CA6: variants seen among roughly 807,000 people sequenced by gnomAD.
CA6 encodes the protein carbonate dehydratase VI.
CA6 carries 28 observed loss-of-function variants against 35.9 expected under a neutral mutation model. The ratio of observed to expected loss-of-function variants is 0.78; its 90% CI spans 0.58 to 1.07. CA6 has a LOEUF of 1.07. Ranked by LOEUF, CA6 falls within the 50% of genes least tolerant of loss-of-function variation. CA6 has a pLI of 0.00. For missense variants in CA6, 377 were observed against 382.0 expected (o/e 0.99, Z 0.11); for synonymous variants, 148 against 152.6 (o/e 0.97, Z 0.22).
At chr1:8,967,921 G>T in intron 6 of CA6, 105 bp downstream of exon 6, 37 of 782,338 alleles carry the variant, frequency 4.7e-5, no homozygotes, top group Non-Finnish European at 7.0e-5. Context: ...GGGTCCTACA[G>T]TATTTTCTGT....
At chr1:8,956,910 G>C (rs1242189916) in intron 2 of CA6, among the ~76,000 whole-genome samples, 1 of 152,192 alleles carries the variant, frequency 6.6e-6, no homozygotes, top group African/African-American at 2.4e-5. Flanking sequence ...CACTTGCCCA[G>C]CCTGGTTTAC....
In CA6 at chr1:8,974,666, G is replaced by A. The variant is rs746335041; in HGVS notation, c.889G>A (p.Glu297Lys). ...SEFQFYLHKI[E>K]EILDYLRRAL... is the part of the protein sequence containing the mutation. ...ATTCCAGTTTTACCTACATAAGATT[G>A]AGGAAATTCTTGACTACTTAAGAAG... The change falls in exon 8 of 8, where the codon GAG becomes AAG. Residue 297 changes from glutamate to lysine, a missense_variant. Glu to Lys is a moderately conservative substitution (Grantham distance 56). Coordinates refer to ENST00000377443, the MANE Select transcript of CA6 (RefSeq NM_001215.4). 1.2e-6 allele frequency: 2 copies of A among 1,604,920 alleles called. No homozygotes were observed. The highest frequency in any genetic ancestry group is 1.7e-6 in the Non-Finnish European group (2 of 1,175,554).
At chr1:8,946,009 C>A in intron 1 of CA6, 44 bp downstream of exon 1, 2 of 1,226,160 alleles carry the variant, frequency 1.6e-6, no homozygotes, top group South Asian at 1.3e-5. Flanking sequence ...ACCCTCACAC[C>A]CTTACAACAG....
intron 5 of CA6, among the ~76,000 whole-genome samples, chr1:8,962,930 T>A (rs1639879668): frequency 6.6e-6 from 1 of 152,198 alleles, no homozygotes; most frequent in African/African-American, 2.4e-5. Context: ...AGTAGGCATA[T>A]CCTTGCTTCG....
intron 7 of CA6, among the ~76,000 whole-genome samples, chr1:8,973,810 TC>T (rs1640194493): frequency 6.7e-6 from 1 of 148,410 alleles, no homozygotes; most frequent in African/African-American, 2.5e-5. Flanking sequence ...TCTCTCTCTC[TC>T]TCTCTCTCTT....
rs910283348 is a variant in CA6, at chr1:8,957,127, G to T, written c.260-10G>T. On this transcript the variant is annotated splice_polypyrimidine_tract_variant and intron_variant, in intron 2 of 7. Transcript: ENST00000377443. The stretch of plus-strand genomic sequence containing the variant: ...CCTACTCTGCTCTCAGCCCCACCTT[G>T]TCTCTCCAGTGCAGATCAGCCTGCC... The T allele has an allele frequency of 1.0e-5, 16 of 1,590,438 alleles. No homozygotes were observed. Among genetic ancestry groups the T allele is most frequent in the Non-Finnish European group, 1.3e-5 (15 of 1,164,984 alleles).
chr1:8,969,352 C>T lies in CA6; in HGVS notation c.730-1515C>T, dbSNP rs937688797. 4.6e-5 allele frequency among the ~76,000 whole-genome samples: 7 copies of T among 151,672 alleles called. No homozygotes were observed. In the South Asian group the frequency reaches 6.2e-4, roughly 14 times the overall value. On this transcript the variant is annotated intron_variant, in intron 6 of 7. Coordinates refer to ENST00000377443, the MANE Select transcript of CA6 (RefSeq NM_001215.4). ...ACAAAAACCCAATGAATGGGTTTAA[C>T]GCATGTTAGATACAGTTTGAGAGAG...
intron 3 of CA6, among the ~76,000 whole-genome samples, chr1:8,957,618 G>A (rs1416175263): frequency 6.7e-6 from 1 of 149,324 alleles, no homozygotes; most frequent in Non-Finnish European, 1.5e-5. Context: ...TGGGATTATA[G>A]GCGTGAGCCA....
intron 5 of CA6, 76 bp from the exon 6 acceptor site, chr1:8,967,583 G>A: frequency 1.6e-6 from 2 of 1,224,528 alleles, no homozygotes; most frequent in Non-Finnish European, 2.3e-6. Flanking sequence ...AACCTGGCGA[G>A]GCCTGGGCCT....
intron 4 of CA6, among the ~76,000 whole-genome samples, chr1:8,960,789 C>CACACACACACACACACACATATATATAT (rs59987426): frequency 6.8e-5 from 8 of 116,978 alleles, no homozygotes; most frequent in Non-Finnish European, 1.1e-4. Flanking sequence ...CACACACACA[C>CACACACACACACACACACATATATATAT]ATATATATAA....
intron 1 of CA6, among the ~76,000 whole-genome samples, chr1:8,947,046 C>T (rs1043041864): frequency 5.3e-5 from 8 of 151,938 alleles, no homozygotes; most frequent in East Asian, 1.9e-4. Context: ...TCAAGTGATC[C>T]GCCCACCTTA....
intron 6 of CA6, 136 bp downstream of exon 6, chr1:8,967,952 G>T: frequency 1.2e-5 from 7 of 569,518 alleles, no homozygotes; most frequent in South Asian, 2.9e-5. Context: ...ACTGTGCCTC[G>T]TCTAGCCAAC....
At chr1:8,964,926 G>A (rs1441888922) in intron 5 of CA6, among the ~76,000 whole-genome samples, 3 of 152,100 alleles carry the variant, frequency 2.0e-5, no homozygotes, top group Admixed American at 6.5e-5. Context: ...GTGACTCCAC[G>A]CAGTCCCACA....
chr1:8,972,565 G>C (rs1484806061), intron 7 of CA6, among the ~76,000 whole-genome samples: 1 of 152,000 alleles, frequency 6.6e-6, no homozygotes, highest in Non-Finnish European at 1.5e-5. Context: ...CCAGCTACTG[G>C]GGAGGCTGAG....
chr1:8,969,852 A>T (rs1460385378), intron 6 of CA6, among the ~76,000 whole-genome samples: 1 of 152,192 alleles, frequency 6.6e-6, no homozygotes. Context: ...GCCGAGGGAA[A>T]AAAAATAGCC....
intron 4 of CA6, among the ~76,000 whole-genome samples, chr1:8,959,931 CAAAAA>C (rs373250863): frequency 2.7e-5 from 2 of 75,184 alleles, no homozygotes; most frequent in South Asian, 4.4e-4. Context: ...GATTCTATCT[CAAAAA>C]AAAAAAAAAA....
At position 8,967,688 on chromosome 1, in the gene CA6, G is replaced by T. The variant is rs140314132; in HGVS notation, c.601G>T (p.Val201Phe). 6.2e-7 allele frequency: 1 copy of T among 1,614,044 alleles called. No homozygotes were observed. The highest frequency in any genetic ancestry group is 1.3e-5 in the African/African-American group (1 of 75,004). The part of the protein sequence containing the change: ...GQRTTLTGLD[V>F]QDMLPRNLQH... ...AAGAACAACCCTGACTGGCCTTGAC[G>T]TTCAGGACATGCTGCCCAGGAACCT... Residue 201 changes from valine to phenylalanine, a missense_variant, in exon 6 of 8, where the codon GTT becomes TTT. Transcript: ENST00000377443.
intron 2 of CA6, chr1:8,951,645 G>C (rs375626417): frequency 5.2e-6 from 4 of 765,008 alleles, no homozygotes; most frequent in Non-Finnish European, 9.6e-6. Context: ...GCTTCCCAAG[G>C]GGCTTGCAGC....
chr1:8,956,748 G>C (rs533621358), intron 2 of CA6, among the ~76,000 whole-genome samples: 267 of 152,326 alleles, frequency 1.8e-3, no homozygotes, highest in African/African-American at 6.0e-3. Flanking sequence ...AACTTGGCCA[G>C]AGATAGAGAG....
Sources: gnomAD v4.1 joint callset for allele counts (sites outside exome capture counted in the v4.1 genomes callset) on GRCh38, gnomAD v4.1.1 for gene constraint, MANE v1.5 for transcripts, NCBI Gene and HGNC (gene_info 2026-07-23, HGNC 2026-07-21) for gene names.